CACNA1E: variants seen among roughly 807,000 people sequenced by gnomAD.
The protein encoded by CACNA1E is voltage-dependent R-type calcium channel subunit alpha-1E.
Under a neutral mutation model 259.2 loss-of-function variants are expected in CACNA1E, and 40 were observed. That is an observed-to-expected ratio of 0.15 (90% confidence interval 0.12 to 0.20). The LOEUF (loss-of-function observed/expected upper bound fraction) is 0.20, where lower values mean the gene tolerates loss of function less well. Among genes scored for constraint, CACNA1E ranks in the 10% least tolerant of loss-of-function variants. The pLI is 1.00. For synonymous variants in CACNA1E, 1,104 were observed against 1,138.5 expected (o/e 0.97, Z 0.61); for missense variants, 1,874 against 3,040.1 (o/e 0.62, Z 9.02).
chr1:181,687,667 G>A (rs1438663895), intron 7 of CACNA1E, among the ~76,000 whole-genome samples: 3 of 152,102 alleles, frequency 2.0e-5, no homozygotes, highest in East Asian at 1.9e-4. Context: ...TCTTTGGACT[G>A]GAAGAAAAAT....
rs1172338801 is a variant in CACNA1E at position 181,564,916 on chromosome 1, C to T, written c.513-12850C>T. Among the ~76,000 whole-genome samples the T allele has an allele frequency of 2.0e-5, 3 of 150,984 alleles. No individual in the cohort carries two copies. The South Asian group carries it at 6.3e-4, about 32-fold the overall frequency. On this transcript the variant is annotated intron_variant, in intron 3 of 47. Transcript: ENST00000367573. ...TTTTTTTTTTCTGAGCAGGTCTCAA[C>T]AGTGGGCTTAAAATATTCAGGAAAC...
chr1:181,374,789 G>A (rs143333208), intron 1 of CACNA1E, among the ~76,000 whole-genome samples: 1 of 152,146 alleles, frequency 6.6e-6, no homozygotes, highest in African/African-American at 2.4e-5. Context: ...TAAGTCAGCA[G>A]GGTCTTAAGC....
intron 1 of CACNA1E, among the ~76,000 whole-genome samples, chr1:181,381,229 T>C (rs1655441300): frequency 1.3e-5 from 2 of 151,760 alleles, no homozygotes; most frequent in African/African-American, 4.8e-5. Context: ...GTATTTATAA[T>C]AGCAAAAAAT....
At chr1:181,779,187 G>A (rs1660209524) in intron 38 of CACNA1E, among the ~76,000 whole-genome samples, 1 of 152,192 alleles carries the variant, frequency 6.6e-6, no homozygotes, top group Admixed American at 6.5e-5. Context: ...GGTATAATGG[G>A]GTGCTCTTGG....
chr1:181,716,228 G>T, intron 10 of CACNA1E, 99 bp downstream of exon 10: 1 of 701,092 alleles, frequency 1.4e-6, no homozygotes, highest in East Asian at 2.9e-5. Context: ...AGAATCCAAA[G>T]GGTCCAGAAT....
chr1:181,422,876 A>C (rs1658859798), intron 2 of CACNA1E, among the ~76,000 whole-genome samples: 1 of 152,166 alleles, frequency 6.6e-6, no homozygotes, highest in East Asian at 1.9e-4. Context: ...CTGCTAACTC[A>C]TGCCCCCATG....
At chr1:181,501,627 A>G (rs1201633594) in intron 1 of CACNA1E, among the ~76,000 whole-genome samples, 2 of 152,068 alleles carry the variant, frequency 1.3e-5, no homozygotes, top group Non-Finnish European at 1.5e-5. Flanking sequence ...CCTCTTTGTT[A>G]TGTTCTCAAT....
At chr1:181,608,654 G>A (rs1654456627) in intron 6 of CACNA1E, among the ~76,000 whole-genome samples, 1 of 151,962 alleles carries the variant, frequency 6.6e-6, no homozygotes, top group Admixed American at 6.5e-5. Context: ...GTCTACAGGA[G>A]ACCCCAGGGC....
chr1:181,533,691 T>C (rs1667947671), intron 3 of CACNA1E, among the ~76,000 whole-genome samples: 1 of 152,118 alleles, frequency 6.6e-6, no homozygotes. Flanking sequence ...ATTTTCACAA[T>C]GTTGAATCTT....
chr1:181,317,751 A>G (rs891439797), exon 1 of CACNA1E: 1 of 151,600 alleles, frequency 6.6e-6, no homozygotes, highest in African/African-American at 2.4e-5. Flanking sequence ...CTGTCTGGAT[A>G]TAGCTCTCTT....
chr1:181,543,494 C>T (rs1668752041), intron 3 of CACNA1E, among the ~76,000 whole-genome samples: 1 of 152,138 alleles, frequency 6.6e-6, no homozygotes, highest in Non-Finnish European at 1.5e-5. Context: ...CATAAGGGTA[C>T]AGCCTTTATG....
chr1:181,354,144 C>CTTTTTTTTTTTTTTTTT (rs374722982), intron 1 of CACNA1E, among the ~76,000 whole-genome samples: 1 of 135,740 alleles, frequency 7.4e-6, no homozygotes. Context: ...GGGCAGAGGA[C>CTTTTTTTTTTTTTTTTT]TTTTTTTTTT....
chr1:181,570,638 G>A (rs904706614), intron 3 of CACNA1E, among the ~76,000 whole-genome samples: 1 of 152,176 alleles, frequency 6.6e-6, no homozygotes, highest in South Asian at 2.1e-4. Flanking sequence ...AGCTTCTAGA[G>A]CTACATTCTT....
At chr1:181,360,243 C>T (rs113840693) in intron 1 of CACNA1E, among the ~76,000 whole-genome samples, 97 of 152,264 alleles carry the variant, frequency 6.4e-4, no homozygotes, top group African/African-American at 2.2e-3. Context: ...ACTTCCACTC[C>T]GAGGCATATA....
rs80053764 is a variant in CACNA1E at position 181,458,597 on chromosome 1, C to T, written c.435-25147C>T. ...TGTGAAAAGCCACTTCCAAGAAACACGAAGATAAACTGAATGCCCTTGACA... is the reference window on the plus strand; with the variant it reads ...TGTGAAAAGCCACTTCCAAGAAACATGAAGATAAACTGAATGCCCTTGACA... On this transcript the variant is annotated intron_variant, in intron 2 of 11. Transcript: ENST00000524607. Among the ~76,000 whole-genome samples the T allele has an allele frequency of 4.4e-3, 677 of 152,320 alleles. 4 individuals are homozygous for T. The highest frequency in any genetic ancestry group is 0.031 in the Middle Eastern group (9 of 294).
chr1:181,732,977 G>T lies in CACNA1E; in HGVS notation c.2891G>T (p.Gly964Val), dbSNP rs1325451612. The change falls in exon 20 of 48, where the codon GGC becomes GTC. Residue 964 changes from glycine (G) to valine (V), a missense_variant. By Grantham distance (109) the Gly-to-Val change is moderately radical. This residue lies in a region of CACNA1E where 476 missense variants were observed against 514.0 expected (regional missense o/e 0.93). Transcript: ENST00000367573. The surrounding 1 kb of genome is among the most constrained non-coding windows in gnomAD (Gnocchi z 5.5). ...GGGGAGAAGGACCATGAGCTCAGGG[G>T]CAACCATGGTGCCAAGGAGCCAACG... ...TEGEKDHELR[G>V]NHGAKEPTIQ... is the part of the protein sequence containing the mutation. The T allele has an allele frequency of 1.9e-6, 3 of 1,613,660 alleles. No individual in the cohort carries two copies. In the East Asian group the frequency reaches 6.7e-5, roughly 36 times the overall value.
At chr1:181,755,899 C>T (rs2102684663) in intron 28 of CACNA1E, 57 bp from the exon 29 acceptor site, 2 of 1,565,854 alleles carry the variant, frequency 1.3e-6, no homozygotes, top group Non-Finnish European at 1.7e-6. Flanking sequence ...TGTGCTGACT[C>T]TTCTGTAGAA....
chr1:181,537,102 T>TC (rs1668232361), intron 3 of CACNA1E, among the ~76,000 whole-genome samples: 1 of 122,432 alleles, frequency 8.2e-6, no homozygotes, highest in Non-Finnish European at 1.8e-5. Context: ...TTTCTTTTTT[T>TC]TTTTTTTTTT....
At chr1:181,693,381 ACAG>A (rs1429845596) in intron 7 of CACNA1E, among the ~76,000 whole-genome samples, 17 of 152,208 alleles carry the variant, frequency 1.1e-4, no homozygotes, top group Non-Finnish European at 2.5e-4. Flanking sequence ...ACTATTTACA[ACAG>A]CAAAGACATG....
Sources: allele counts gnomAD v4.1 joint callset (sites outside exome capture counted in the v4.1 genomes callset), GRCh38; gene constraint gnomAD v4.1.1; regional missense constraint gnomAD v4.1.1; non-coding constraint Gnocchi (gnomAD v3.1); transcripts MANE v1.5; gene names NCBI Gene and HGNC (gene_info 2026-07-23, HGNC 2026-07-21).